The following FYN variants were observed in gnomAD, a reference collection of about 807,000 sequenced individuals.
The protein encoded by FYN is FYN proto-oncogene, Src family tyrosine kinase.
In FYN, 10 loss-of-function variants were observed where a neutral mutation model predicts 70.2. That is an observed-to-expected ratio of 0.14 (90% CI 0.09 to 0.24). The LOEUF (loss-of-function observed/expected upper bound fraction) is 0.24. Among genes scored for constraint, FYN ranks in the 10% least tolerant of loss-of-function variants. The probability of loss-of-function intolerance (pLI) is 1.00; values close to 1 mark genes in which losing one functional copy is unlikely to be tolerated. For missense variants in FYN, 319 were observed against 673.1 expected, an observed-to-expected ratio of 0.47 and a Z score of 5.82; for synonymous variants, 236 against 248.6, an observed-to-expected ratio of 0.95 and a Z score of 0.48.
intron 3 of FYN, among the ~76,000 whole-genome samples, chr6:111,764,181 T>C (rs1220053152): frequency 3.2e-5 from 1 of 31,732 alleles, no homozygotes; most frequent in Non-Finnish European, 6.1e-5. Context: ...GAATAAAATG[T>C]TAAAAAAGAA....
chr6:111,846,438 C>T (rs1378591225), intron 2 of FYN, among the ~76,000 whole-genome samples, 151 bp downstream of exon 2: 1 of 152,142 alleles, frequency 6.6e-6, no homozygotes. Flanking sequence ...TTTCACAAAC[C>T]AGTTCCTTCT....
rs1771056375 is a variant in FYN, at chr6:111,778,850, T to G, written c.-12+1716A>C. On this transcript the variant is annotated intron_variant, in intron 3 of 13. Coordinates refer to ENST00000354650, the MANE Select transcript of FYN (RefSeq NM_002037.5). ...TTGTTCAATTTTTAAATGCTGGGGTTTTTTTTCTTTCCATTTTTAAAATTC... is the reference window on the plus strand; with the variant it reads ...TTGTTCAATTTTTAAATGCTGGGGTGTTTTTTCTTTCCATTTTTAAAATTC... Among the ~76,000 whole-genome samples, 3 of 152,198 alleles carry G rather than the reference T, an allele frequency of 2.0e-5. No homozygotes were observed. The South Asian group carries it at 6.2e-4, about 32-fold the overall frequency.
Position 111,720,067 on chromosome 6 carries a change from C to T in FYN, c.-11-5G>A. On this transcript the variant is annotated splice_polypyrimidine_tract_variant and splice_region_variant and intron_variant, in intron 3 of 13. Transcript: ENST00000354650. ...CACAGCCCATTATCTAAATTCCTGC[C>T]AAAGACAAAAAAGGGGGCACGTAAG... 1 of 1,566,022 alleles carries T rather than the reference C, an allele frequency of 6.4e-7. No individual in the cohort carries two copies. The highest frequency in any genetic ancestry group is 8.7e-7 in the Non-Finnish European group (1 of 1,152,804).
intron 8 of FYN, among the ~76,000 whole-genome samples, chr6:111,701,235 A>T (rs1055177268): frequency 6.6e-6 from 1 of 152,022 alleles, no homozygotes; most frequent in Non-Finnish European, 1.5e-5. Flanking sequence ...TGCTAAGGGG[A>T]ACTTAAATGC....
At chr6:111,685,140 A>G (rs1374265280) in intron 12 of FYN, among the ~76,000 whole-genome samples, 5 of 152,234 alleles carry the variant, frequency 3.3e-5, no homozygotes, top group East Asian at 1.9e-4. Flanking sequence ...CCAACTGCAC[A>G]CTGCTGCCCA....
intron 13 of FYN, among the ~76,000 whole-genome samples, chr6:111,665,072 T>C (rs180705983): frequency 8.2e-4 from 125 of 152,352 alleles, no homozygotes; most frequent in African/African-American, 2.8e-3. Flanking sequence ...CTAAATTGAA[T>C]GGATTGTGTT....
chr6:111,828,170 A>G (rs9384810), intron 2 of FYN, among the ~76,000 whole-genome samples: 47,454 of 151,948 alleles, frequency 0.31, 12,125 homozygotes, highest in African/African-American at 0.71. Flanking sequence ...TTCCCCAGCC[A>G]GCATCCTGAG....
intron 3 of FYN, among the ~76,000 whole-genome samples, chr6:111,737,888 C>T (rs891467102): frequency 1.3e-5 from 2 of 152,098 alleles, no homozygotes; most frequent in Admixed American, 6.5e-5. Context: ...CACTAATGGC[C>T]TCAAATTTTC....
intron 3 of FYN, among the ~76,000 whole-genome samples, chr6:111,775,390 C>T (rs1429501808): frequency 6.6e-6 from 1 of 152,136 alleles, no homozygotes; most frequent in East Asian, 1.9e-4. Flanking sequence ...TAACCTGGAA[C>T]GAAAATGATA....
chr6:111,869,163 T>C (rs1275193718), intron 1 of FYN, among the ~76,000 whole-genome samples: 1 of 152,202 alleles, frequency 6.6e-6, no homozygotes, highest in Non-Finnish European at 1.5e-5. Context: ...CCCAGAACAC[T>C]AGAACCCTGC....
intron 1 of FYN, among the ~76,000 whole-genome samples, chr6:111,859,687 G>A (rs1024348505): frequency 6.6e-6 from 1 of 152,160 alleles, no homozygotes; most frequent in African/African-American, 2.4e-5. Context: ...ATCTTGTTTT[G>A]TTCTTGTCTG....
chr6:111,813,495 A>C lies in FYN; in HGVS notation c.-81-32860T>G, dbSNP rs1056651452. 2.6e-5 allele frequency among the ~76,000 whole-genome samples: 4 copies of C among 152,208 alleles called. No homozygotes were observed. The East Asian group carries it at 7.7e-4, about 29-fold the overall frequency. Reference sequence around the variant, plus strand: ...GTCAAATCCCAATAAATGAAATCCCAGTGTTTCTCAAATACTTTTTATGGC... The same window carrying C: ...GTCAAATCCCAATAAATGAAATCCCCGTGTTTCTCAAATACTTTTTATGGC... On this transcript the variant is annotated intron_variant, in intron 2 of 13. Coordinates refer to ENST00000354650, the MANE Select transcript of FYN (RefSeq NM_002037.5).
At chr6:111,779,184 T>C (rs1003399362) in intron 3 of FYN, among the ~76,000 whole-genome samples, 1 of 138,758 alleles carries the variant, frequency 7.2e-6, no homozygotes, top group African/African-American at 2.8e-5. Flanking sequence ...CTTGAAGCCA[T>C]GTCCCTCTCT....
chr6:111,775,495 T>G (rs1392953851), intron 3 of FYN, among the ~76,000 whole-genome samples: 1 of 152,222 alleles, frequency 6.6e-6, no homozygotes. Context: ...TACCCTCCTA[T>G]GCACAGGGCT....
chr6:111,688,682 T>C (rs562450818), intron 12 of FYN, among the ~76,000 whole-genome samples: 128 of 152,238 alleles, frequency 8.4e-4, no homozygotes, highest in Non-Finnish European at 1.5e-3. Context: ...TTGATGTGTG[T>C]ATGCACATGC....
At chr6:111,767,023 G>C (rs1463879113) in intron 3 of FYN, among the ~76,000 whole-genome samples, 1 of 152,118 alleles carries the variant, frequency 6.6e-6, no homozygotes, top group African/African-American at 2.4e-5. Context: ...GTTGTCCTAG[G>C]TAAGCAGCCA....
At chr6:111,751,262 T>C (rs781377002) in intron 3 of FYN, among the ~76,000 whole-genome samples, 1 of 152,194 alleles carries the variant, frequency 6.6e-6, no homozygotes, top group Non-Finnish European at 1.5e-5. Context: ...AGGAAGGATG[T>C]GGGCTCCCTT....
In FYN at chr6:111,694,012, C is replaced by G. The variant is rs74515365; in HGVS notation, c.1273+363G>C. ...TTGGCTTTCTGAAACCCTGCCTGTG[C>G]CTTTGTAAAAAACACAGGCATGTGA... On this transcript the variant is annotated intron_variant, in intron 12 of 13. Coordinates refer to ENST00000354650, the MANE Select transcript of FYN (RefSeq NM_002037.5). The surrounding 1 kb of genome is among the most constrained non-coding windows in gnomAD (Gnocchi z 5.0). Among the ~76,000 whole-genome samples, 7,113 of 152,172 alleles carry G rather than the reference C, an allele frequency of 0.047. 483 individuals are homozygous for G. Among genetic ancestry groups the G allele is most frequent in the African/African-American group, 0.15 (6,352 of 41,482 alleles).
At chr6:111,682,129 C>A (rs1427908981) in intron 12 of FYN, among the ~76,000 whole-genome samples, 1 of 152,232 alleles carries the variant, frequency 6.6e-6, no homozygotes, top group Admixed American at 6.5e-5. Context: ...TCCAGCCAGG[C>A]AGTAAGTTAT....
Sources: allele counts gnomAD v4.1 joint callset (sites outside exome capture counted in the v4.1 genomes callset), GRCh38; gene constraint gnomAD v4.1.1; non-coding constraint Gnocchi (gnomAD v3.1); transcripts MANE v1.5; gene names NCBI Gene and HGNC (gene_info 2026-07-23, HGNC 2026-07-21).